LPXN: variants seen among roughly 807,000 people sequenced by gnomAD.
LPXN encodes leupaxin.
In LPXN, 28 loss-of-function variants were observed where a neutral mutation model predicts 45.6. That is an observed-to-expected ratio of 0.61 (90% CI 0.45 to 0.84). The LOEUF is 0.84. Ranked by LOEUF, LPXN falls within the 40% of genes least tolerant of loss-of-function variation. LPXN has a pLI of 0.00. For missense variants in LPXN, 459 were observed against 475.0 expected, an observed-to-expected ratio of 0.97 and a Z score of 0.31; for synonymous variants, 166 against 169.9, an observed-to-expected ratio of 0.98 and a Z score of 0.18.
chr11:58,570,756 A>T lies in LPXN; in HGVS notation c.14-43T>A, dbSNP rs544691396. On this transcript the variant is annotated intron_variant, in intron 1 of 8. Transcript: ENST00000395074. The stretch of plus-strand genomic sequence containing the variant: ...AGAGAATCATGACAGAGAATATTTA[A>T]ATCCCTACAGTCATTTTCTCCTTAA... 3.0e-5 allele frequency: 44 copies of T among 1,489,080 alleles called. No individual in the cohort carries two copies. In the African/African-American group the frequency reaches 5.6e-4, roughly 19 times the overall value. The allele number at this position is 1,489,080 out of a possible 1,614,324, so 92.2% of individuals were successfully genotyped here.
chr11:58,549,968 C>T lies in LPXN; in HGVS notation c.660+5G>A. 6.2e-7 allele frequency: 1 copy of T among 1,614,072 alleles called. No individual in the cohort carries two copies. The highest frequency in any genetic ancestry group is 8.5e-7 in the Non-Finnish European group (1 of 1,179,914). On this transcript the variant is annotated splice_donor_5th_base_variant and intron_variant, in intron 6 of 8. Transcript: ENST00000395074. ...AAAGCTGGAGAGGAGCGGGGATTTA[C>T]TTACATCCAGGATGGGAGCAGCGCA...
rs544177718 is a variant in LPXN, at chr11:58,568,556, T to G, written c.171+2000A>C. Among the ~76,000 whole-genome samples, 3 of 151,184 alleles carry G rather than the reference T, an allele frequency of 2.0e-5. No homozygotes were observed. In the East Asian group the frequency reaches 5.8e-4, roughly 29 times the overall value. ...AGGCAGAGGTGGCAGTGAGCCAAGA[T>G]TGCACCACTGCACTCCAGCCTGCAC... On this transcript the variant is annotated intron_variant, in intron 2 of 8. Coordinates refer to ENST00000395074, the MANE Select transcript of LPXN (RefSeq NM_004811.3).
chr11:58,552,396 G>A (rs568592126), intron 4 of LPXN, among the ~76,000 whole-genome samples: 2 of 151,368 alleles, frequency 1.3e-5, no homozygotes, highest in African/African-American at 2.4e-5. Context: ...CCAGCTGGGC[G>A]ACTGCTACCA....
intron 7 of LPXN, 94 bp downstream of exon 7, chr11:58,549,692 G>A: frequency 1.0e-6 from 1 of 990,468 alleles, no homozygotes; most frequent in Non-Finnish European, 1.6e-6. Context: ...AGTACTGATA[G>A]GAACCAGGAC....
intron 7 of LPXN, among the ~76,000 whole-genome samples, chr11:58,532,516 T>A (rs1853423252): frequency 6.6e-6 from 1 of 152,022 alleles, no homozygotes; most frequent in East Asian, 1.9e-4. Flanking sequence ...ATCAGCACTC[T>A]GTGTCTAGCT....
chr11:58,566,663 C>T (rs1453871369), intron 2 of LPXN, among the ~76,000 whole-genome samples: 2 of 152,186 alleles, frequency 1.3e-5, no homozygotes. Context: ...TGTTCAACTC[C>T]TTCTTCGCTT....
chr11:58,563,879 C>G (rs1854452322), intron 3 of LPXN, among the ~76,000 whole-genome samples: 1 of 152,186 alleles, frequency 6.6e-6, no homozygotes, highest in Non-Finnish European at 1.5e-5. Context: ...GACAAAACAT[C>G]TGTGGTAACT....
At chr11:58,568,602 CAAA>C (rs34133979) in intron 2 of LPXN, among the ~76,000 whole-genome samples, 2 of 132,108 alleles carry the variant, frequency 1.5e-5, no homozygotes. Flanking sequence ...GACTCCATCT[CAAA>C]AAAAAAAAAA....
intron 1 of LPXN, 129 bp downstream of exon 1, chr11:58,575,631 A>G (rs1854861450): frequency 9.4e-7 from 1 of 1,064,188 alleles, no homozygotes; most frequent in African/African-American, 1.5e-5. Flanking sequence ...AGGGCTGAGG[A>G]CAGGAAAGAA....
At chr11:58,541,006 A>G (rs1268905456) in intron 7 of LPXN, among the ~76,000 whole-genome samples, 2 of 152,180 alleles carry the variant, frequency 1.3e-5, no homozygotes, top group Admixed American at 1.3e-4. Context: ...CTGAAACTGG[A>G]TCCCTTCCTT....
chr11:58,578,511 C>A (rs999284637), upstream of LPXN, among the ~76,000 whole-genome samples: 1 of 152,182 alleles, frequency 6.6e-6, no homozygotes, highest in African/African-American at 2.4e-5. Flanking sequence ...GACTTTCATC[C>A]GGCAACCGAC....
At chr11:58,576,524 C>T (rs544494991), upstream of LPXN, among the ~76,000 whole-genome samples, 1 of 152,306 alleles carries the variant, frequency 6.6e-6, no homozygotes, top group East Asian at 1.9e-4. Flanking sequence ...TGGAAAGTAA[C>T]ACTGAGGTTA....
At chr11:58,527,858 T>C (rs1565181303) in intron 8 of LPXN, 135 bp from the exon 9 acceptor site, 1 of 1,133,010 alleles carries the variant, frequency 8.8e-7, no homozygotes, top group Non-Finnish European at 1.2e-6. Context: ...TCTTGACAAA[T>C]GGAGACTAGA....
At chr11:58,561,490 C>G (rs955563694) in intron 3 of LPXN, among the ~76,000 whole-genome samples, 2 of 152,106 alleles carry the variant, frequency 1.3e-5, no homozygotes, top group Admixed American at 1.3e-4. Context: ...GTCAAGTATG[C>G]AAGTAATTGA....
Position 58,554,859 on chromosome 11 carries a change from C to A in LPXN, c.300G>T (p.Leu100=). 1 of 1,613,774 alleles carries A rather than the reference C, an allele frequency of 6.2e-7. No homozygotes were observed. The highest frequency in any genetic ancestry group is 8.5e-7 in the Non-Finnish European group (1 of 1,179,914). The change falls in exon 4 of 9, where the codon CTG becomes CTT. Residue 100 remains leucine (L), a synonymous_variant. Coordinates refer to ENST00000395074, the MANE Select transcript of LPXN (RefSeq NM_004811.3). ...CACTCACCTTGGCCTGCATCTCAGTCAGGTGAGCCATGAGCTCATCCAACT... is the reference window on the plus strand; with the variant it reads ...CACTCACCTTGGCCTGCATCTCAGTAAGGTGAGCCATGAGCTCATCCAACT... ...AAQLDELMAH[L]TEMQAKVAVR...
At chr11:58,543,131 C>T (rs981620104) in intron 7 of LPXN, among the ~76,000 whole-genome samples, 1 of 152,086 alleles carries the variant, frequency 6.6e-6, no homozygotes, top group Non-Finnish European at 1.5e-5. Context: ...CAGAGTAGGT[C>T]GTAGTTAGTT....
chr11:58,564,900 A>G (rs1400228264), intron 2 of LPXN, among the ~76,000 whole-genome samples: 1 of 152,174 alleles, frequency 6.6e-6, no homozygotes, highest in Non-Finnish European at 1.5e-5. Flanking sequence ...GTGGGGAAAG[A>G]AAGCAAATAT....
chr11:58,530,254 G>C (rs928030406), intron 7 of LPXN, among the ~76,000 whole-genome samples: 1 of 152,180 alleles, frequency 6.6e-6, no homozygotes, highest in African/African-American at 2.4e-5. Context: ...GGCCTGGCTC[G>C]GTAGGTCCCA....
chr11:58,528,108 G>A lies in LPXN; in HGVS notation c.826C>T (p.Pro276Ser), dbSNP rs368012413. 7.4e-6 allele frequency: 12 copies of A among 1,614,068 alleles called. No individual in the cohort carries two copies. In the African/African-American group the frequency reaches 1.5e-4, roughly 20 times the overall value. The change falls in exon 8 of 9, where the codon CCA (proline) becomes TCA (serine). Residue 276 changes from proline (P) to serine (S), a missense_variant. Transcript: ENST00000395074. ...GCTGAAAGGTAGTTTTCCAACACTG[G>A]GCGATTGCAGCCACCACACTTGGGT... is the stretch of plus-strand genomic sequence containing the variant. ...FSPKCGGCNR[P>S]VLENYLSAMD...
Sources: allele counts gnomAD v4.1 joint callset (sites outside exome capture counted in the v4.1 genomes callset), GRCh38; gene constraint gnomAD v4.1.1; transcripts MANE v1.5; gene names NCBI Gene and HGNC (gene_info 2026-07-23, HGNC 2026-07-21).